The following NCALD variants were observed in gnomAD, a reference collection of about 807,000 sequenced individuals.
NCALD encodes neurocalcin-delta.
A neutral mutation model predicts 18.6 loss-of-function variants in NCALD; 10 were observed. That is an observed-to-expected ratio of 0.54 (90% CI 0.33 to 0.91). The LOEUF is 0.91. NCALD is among the 40% of genes least tolerant of loss of function. The probability of loss-of-function intolerance (pLI) is 0.03; values close to 1 mark genes in which losing one functional copy is unlikely to be tolerated. For synonymous variants in NCALD, 88 were observed against 87.4 expected, an observed-to-expected ratio of 1.01 and a Z score of -0.04; for missense variants, 184 against 247.6, an observed-to-expected ratio of 0.74 and a Z score of 1.72.
intron 1 of NCALD, among the ~76,000 whole-genome samples, chr8:102,111,339 A>G (rs1347215214): frequency 6.6e-6 from 1 of 152,110 alleles, no homozygotes; most frequent in African/African-American, 2.4e-5. Context: ...TGGGAACTCA[A>G]CATCACTGAC....
intron 4 of NCALD, among the ~76,000 whole-genome samples, chr8:101,885,943 A>G (rs1816660168): frequency 1.3e-5 from 2 of 152,246 alleles, no homozygotes; most frequent in Non-Finnish European, 2.9e-5. Flanking sequence ...TGTGATATCC[A>G]TAAATAGTTC....
intron 1 of NCALD, among the ~76,000 whole-genome samples, chr8:101,780,440 C>A (rs1203789591): frequency 6.6e-6 from 1 of 152,086 alleles, no homozygotes; most frequent in African/African-American, 2.4e-5. Flanking sequence ...TAATTTAGGA[C>A]TTTTAACAGA....
chr8:101,901,157 G>A (rs931707358), intron 3 of NCALD, among the ~76,000 whole-genome samples: 3 of 151,440 alleles, frequency 2.0e-5, no homozygotes, highest in African/African-American at 7.3e-5. Flanking sequence ...CATTCATATA[G>A]CTATTCCTGC....
At chr8:101,986,950 G>A (rs1820835759) in intron 2 of NCALD, among the ~76,000 whole-genome samples, 1 of 152,204 alleles carries the variant, frequency 6.6e-6, no homozygotes, top group South Asian at 2.1e-4. Context: ...CTGATGCCCT[G>A]CTAGATATGC....
chr8:101,891,042 C>A (rs1263042564), intron 3 of NCALD, among the ~76,000 whole-genome samples: 1 of 152,208 alleles, frequency 6.6e-6, no homozygotes, highest in Non-Finnish European at 1.5e-5. Flanking sequence ...AAGCAAGTAA[C>A]AGCCAACTAC....
intron 4 of NCALD, among the ~76,000 whole-genome samples, chr8:101,884,191 G>A (rs1198360929): frequency 6.6e-6 from 1 of 152,120 alleles, no homozygotes; most frequent in Non-Finnish European, 1.5e-5. Context: ...TCAGATTTCT[G>A]CAGGGAAGCC....
At chr8:101,941,290 A>G (rs1818946255) in intron 2 of NCALD, among the ~76,000 whole-genome samples, 1 of 152,230 alleles carries the variant, frequency 6.6e-6, no homozygotes, top group African/African-American at 2.4e-5. Context: ...TTAGATTCTC[A>G]TAAGGAGCAT....
intron 1 of NCALD, among the ~76,000 whole-genome samples, chr8:102,116,090 A>C (rs1264187081): frequency 7.0e-6 from 1 of 143,310 alleles, no homozygotes; most frequent in Non-Finnish European, 1.5e-5. Context: ...GGGGAACATC[A>C]CACACCGGGG....
intron 1 of NCALD, among the ~76,000 whole-genome samples, chr8:102,118,073 A>G (rs1825842923): frequency 6.6e-6 from 1 of 152,206 alleles, no homozygotes; most frequent in Non-Finnish European, 1.5e-5. Context: ...GCTACTATGG[A>G]CTACAAGATA....
intron 2 of NCALD, among the ~76,000 whole-genome samples, chr8:101,943,979 C>CAA (rs34356914): frequency 1.1e-4 from 16 of 150,466 alleles, no homozygotes; most frequent in African/African-American, 3.5e-4. Flanking sequence ...AACAAACAAA[C>CAA]AAAAAAAAAC....
At chr8:101,855,789 G>T (rs1029937793) in intron 4 of NCALD, among the ~76,000 whole-genome samples, 1 of 152,134 alleles carries the variant, frequency 6.6e-6, no homozygotes, top group African/African-American at 2.4e-5. Flanking sequence ...AACCAACAAT[G>T]AGAAGCCAGA....
intron 2 of NCALD, among the ~76,000 whole-genome samples, chr8:101,996,278 A>T (rs1821236514): frequency 6.6e-6 from 1 of 152,254 alleles, no homozygotes; most frequent in Non-Finnish European, 1.5e-5. Flanking sequence ...TCCAGGCTGT[A>T]TGCCTTAATG....
chr8:101,809,255 A>G (rs1813220381), intron 4 of NCALD, among the ~76,000 whole-genome samples: 1 of 152,200 alleles, frequency 6.6e-6, no homozygotes, highest in Non-Finnish European at 1.5e-5. Flanking sequence ...GTCTAAGAAA[A>G]AGAAGAAAAG....
intron 4 of NCALD, among the ~76,000 whole-genome samples, chr8:101,850,319 G>T (rs946624138): frequency 1.3e-5 from 2 of 152,122 alleles, no homozygotes; most frequent in Admixed American, 6.6e-5. Flanking sequence ...TCTCCTGCTC[G>T]CCTGCTGTAT....
At position 101,688,874 on chromosome 8, in the gene NCALD, C is replaced by T; in HGVS notation, c.*435G>A. 1 of 624,862 alleles carries T rather than the reference C, an allele frequency of 1.6e-6. No homozygotes were observed. The highest frequency in any genetic ancestry group is 2.9e-6 in the Non-Finnish European group (1 of 349,662). The allele number at this position is 624,862 out of a possible 1,614,324, so 38.7% of individuals were successfully genotyped here. On this transcript the variant is annotated 3_prime_UTR_variant, in exon 4 of 4. Coordinates refer to ENST00000220931, the MANE Select transcript of NCALD (RefSeq NM_032041.3). ...TCTTGGGGAATCCAGCATCCGGTGCCATCCATCACCCCTACGGCACGTGTG... is the reference window on the plus strand; with the variant it reads ...TCTTGGGGAATCCAGCATCCGGTGCTATCCATCACCCCTACGGCACGTGTG...
At chr8:101,928,241 A>C (rs1818410298) in intron 2 of NCALD, among the ~76,000 whole-genome samples, 1 of 152,194 alleles carries the variant, frequency 6.6e-6, no homozygotes, top group Admixed American at 6.5e-5. Context: ...TCCCACAGCT[A>C]ACCCGGTAGA....
chr8:102,081,545 T>TAAAAAAAAAAAA (rs770307937), intron 1 of NCALD, among the ~76,000 whole-genome samples: 6 of 68,706 alleles, frequency 8.7e-5, no homozygotes, highest in East Asian at 4.0e-4. Context: ...CAAATAATGG[T>TAAAAAAAAAAAA]AAAAAAAAAA....
At chr8:101,981,911 CTGGGTGGTGTT>C (rs936857496) in intron 2 of NCALD, among the ~76,000 whole-genome samples, 5 of 152,124 alleles carry the variant, frequency 3.3e-5, no homozygotes, top group African/African-American at 1.2e-4. Flanking sequence ...GTGGGGTCTT[CTGGGTGGTGTT>C]TGGGTCATGG....
chr8:101,945,375 A>G (rs1819128651), intron 2 of NCALD, among the ~76,000 whole-genome samples: 1 of 152,222 alleles, frequency 6.6e-6, no homozygotes, highest in Non-Finnish European at 1.5e-5. Context: ...AAAATGCGGA[A>G]TGGAGCAGAG....
Sources: gnomAD v4.1 joint callset for allele counts (sites outside exome capture counted in the v4.1 genomes callset) on GRCh38, gnomAD v4.1.1 for gene constraint, MANE v1.5 for transcripts, NCBI Gene and HGNC (gene_info 2026-07-23, HGNC 2026-07-21) for gene names.